Variants in CNTNAP2 observed in about 807,000 individuals in gnomAD.
CNTNAP2 encodes the protein contactin associated protein 2.
In CNTNAP2, 98 loss-of-function variants were observed where a neutral mutation model predicts 155.2. The observed-to-expected ratio is 0.63, with a 90% CI of 0.54 to 0.75. The LOEUF (loss-of-function observed/expected upper bound fraction) is 0.75, where lower values mean the gene tolerates loss of function less well. Ranked by LOEUF, CNTNAP2 falls within the 30% of genes least tolerant of loss-of-function variation. CNTNAP2 has a pLI of 0.00. For synonymous variants in CNTNAP2, 651 were observed against 631.2 expected, an observed-to-expected ratio of 1.03 and a Z score of -0.47; for missense variants, 1,727 against 1,688.1, an observed-to-expected ratio of 1.02 and a Z score of -0.40.
chr7:147,324,172 G>A (rs529733020), intron 9 of CNTNAP2, among the ~76,000 whole-genome samples: 16 of 152,198 alleles, frequency 1.1e-4, no homozygotes, highest in African/African-American at 3.9e-4. Context: ...TGTATTAGGT[G>A]AACAACTAGA....
chr7:146,244,661 T>A (rs1215170004), intron 1 of CNTNAP2, among the ~76,000 whole-genome samples: 1 of 152,050 alleles, frequency 6.6e-6, no homozygotes, highest in East Asian at 1.9e-4. Flanking sequence ...TTTCACTGAA[T>A]ACTAAGAGCC....
intron 4 of CNTNAP2, among the ~76,000 whole-genome samples, chr7:147,083,515 C>T (rs1023306583): frequency 7.2e-6 from 1 of 139,064 alleles, no homozygotes; most frequent in African/African-American, 2.6e-5. Flanking sequence ...TAAAAGTAAA[C>T]ATCATTTTAT....
intron 12 of CNTNAP2, among the ~76,000 whole-genome samples, chr7:147,624,284 T>C (rs541234354): frequency 1.3e-5 from 2 of 151,946 alleles, no homozygotes; most frequent in East Asian, 1.9e-4. Context: ...AAAAAAAACT[T>C]CTGCACAGCA....
intron 8 of CNTNAP2, among the ~76,000 whole-genome samples, chr7:147,216,956 T>C (rs1018371092): frequency 8.5e-5 from 13 of 152,056 alleles, no homozygotes; most frequent in Non-Finnish European, 1.5e-5. Context: ...TGGAAGTATG[T>C]TCTTAATTTC....
At chr7:146,852,706 C>T (rs1794902802) in intron 3 of CNTNAP2, among the ~76,000 whole-genome samples, 1 of 152,184 alleles carries the variant, frequency 6.6e-6, no homozygotes, top group Non-Finnish European at 1.5e-5. Context: ...AAACAGCTTT[C>T]CCCAATTAAA....
chr7:147,408,100 G>A (rs576037269), intron 10 of CNTNAP2, among the ~76,000 whole-genome samples: 38 of 152,166 alleles, frequency 2.5e-4, no homozygotes, highest in Non-Finnish European at 4.6e-4. Context: ...TTTTAGCCTT[G>A]AAGAATAATT....
chr7:146,827,274 A>C (rs1803423871), intron 2 of CNTNAP2, among the ~76,000 whole-genome samples: 1 of 152,088 alleles, frequency 6.6e-6, no homozygotes, highest in African/African-American at 2.4e-5. Context: ...GGGCAATCCT[A>C]AGAGTTTACT....
At chr7:148,122,866 GA>G (rs1372432837) in intron 16 of CNTNAP2, among the ~76,000 whole-genome samples, 2 of 149,306 alleles carry the variant, frequency 1.3e-5, no homozygotes, top group Non-Finnish European at 3.0e-5. Context: ...AAAAAAAAAA[GA>G]AAAAAAAAGA....
At chr7:146,674,449 T>C (rs1800361170) in intron 1 of CNTNAP2, among the ~76,000 whole-genome samples, 5 of 152,064 alleles carry the variant, frequency 3.3e-5, no homozygotes, top group Admixed American at 3.3e-4. Context: ...AAAACCAGTA[T>C]TGATCCTAAT....
chr7:146,911,799 A>C (rs1042630207), intron 3 of CNTNAP2, among the ~76,000 whole-genome samples: 10 of 152,174 alleles, frequency 6.6e-5, no homozygotes, highest in African/African-American at 1.9e-4. Context: ...TAAAACTTAA[A>C]GTATAATAAT....
chr7:148,057,275 G>A (rs187997224), intron 15 of CNTNAP2, among the ~76,000 whole-genome samples: 113 of 152,290 alleles, frequency 7.4e-4, no homozygotes, highest in Middle Eastern at 6.8e-3. Context: ...ACAAGTAGCC[G>A]GGAGCTGCTG....
chr7:146,947,384 TTCTCTC>T (rs66835656), intron 3 of CNTNAP2, among the ~76,000 whole-genome samples: 2,591 of 128,342 alleles, frequency 0.02, 41 homozygotes, highest in Middle Eastern at 0.043. Flanking sequence ...CCTTCTCTCT[TTCTCTC>T]TCTCTCTCTC....
At chr7:148,211,604 T>TC (rs1402863504) in intron 18 of CNTNAP2, among the ~76,000 whole-genome samples, 2 of 152,252 alleles carry the variant, frequency 1.3e-5, no homozygotes, top group East Asian at 3.9e-4. Context: ...AATTTTTCCC[T>TC]CCCCCTCAAG....
chr7:148,002,414 T>C (rs1001133890), intron 15 of CNTNAP2, among the ~76,000 whole-genome samples: 3 of 152,074 alleles, frequency 2.0e-5, no homozygotes, highest in African/African-American at 2.4e-5. Context: ...AGAAAAAAAA[T>C]GCGCACTTTT....
chr7:147,665,854 C>T lies in CNTNAP2; in HGVS notation c.2098+26548C>T, dbSNP rs559465369. ...CCATGGTGTATATGTACCACATTTTCCTTAGTCAGTCTATTATTGATGGGC... is the reference window on the plus strand; with the variant it reads ...CCATGGTGTATATGTACCACATTTTTCTTAGTCAGTCTATTATTGATGGGC... On this transcript the variant is annotated intron_variant, in intron 13 of 23. Coordinates refer to ENST00000361727, the MANE Select transcript of CNTNAP2 (RefSeq NM_014141.6). Among the ~76,000 whole-genome samples the T allele has an allele frequency of 2.2e-3, 336 of 152,264 alleles. 1 individual carries two copies. Among genetic ancestry groups the T allele is most frequent in the African/African-American group, 7.7e-3 (319 of 41,544 alleles).
intron 3 of CNTNAP2, among the ~76,000 whole-genome samples, chr7:146,945,080 T>C (rs150536762): frequency 2.0e-5 from 3 of 152,328 alleles, no homozygotes; most frequent in African/African-American, 7.2e-5. Flanking sequence ...GCATTCTGTA[T>C]AGTCTCACTG....
chr7:148,279,961 G>C (rs978120809), intron 21 of CNTNAP2, among the ~76,000 whole-genome samples: 5 of 152,100 alleles, frequency 3.3e-5, no homozygotes, highest in African/African-American at 1.2e-4. Context: ...GAGTGCCAAG[G>C]GTTAGTGACT....
intron 1 of CNTNAP2, among the ~76,000 whole-genome samples, chr7:146,671,414 CTCTT>C (rs1223816327): frequency 6.6e-6 from 1 of 151,170 alleles, no homozygotes; most frequent in Non-Finnish European, 1.5e-5. Flanking sequence ...CCCTGTTTCT[CTCTT>C]TTTTTGTCAC....
At chr7:146,608,525 A>G (rs1799083800) in intron 1 of CNTNAP2, among the ~76,000 whole-genome samples, 1 of 152,176 alleles carries the variant, frequency 6.6e-6, no homozygotes, top group South Asian at 2.1e-4. Context: ...TCCTTTGTAT[A>G]AAGTACAATA....
Sources: allele counts gnomAD v4.1 joint callset (sites outside exome capture counted in the v4.1 genomes callset), GRCh38; gene constraint gnomAD v4.1.1; transcripts MANE v1.5; gene names NCBI Gene and HGNC (gene_info 2026-07-23, HGNC 2026-07-21).